Variants in ATP13A3 observed in about 807,000 individuals in gnomAD.
ATP13A3 encodes the protein polyamine-transporting ATPase 13A3.
A neutral mutation model predicts 158.1 loss-of-function variants in ATP13A3; 59 were observed. The observed-to-expected ratio is 0.37, with a 90% CI of 0.30 to 0.46. The LOEUF is 0.46. Among genes scored for constraint, ATP13A3 ranks in the 20% least tolerant of loss-of-function variants. ATP13A3 has a pLI of 1.00. For synonymous variants in ATP13A3, 491 were observed against 504.3 expected (o/e 0.97, Z 0.35); for missense variants, 1,166 against 1,525.2 (o/e 0.76, Z 3.92).
rs984658399 is a variant in ATP13A3, at chr3:194,486,958, G to A, written c.-481C>T. The stretch of plus-strand genomic sequence containing the variant: ...GCGGCGGCGCCCGATCACGCTGCGG[G>A]GAGAGCCGGCAGGCAGGCGGGGGAG... On this transcript the variant is annotated 5_prime_UTR_variant, in exon 1 of 34. Coordinates refer to ENST00000645319, the MANE Select transcript of ATP13A3 (RefSeq NM_001367549.1). The A allele has an allele frequency of 1.3e-5, 2 of 152,202 alleles. No homozygotes were observed. The highest frequency in any genetic ancestry group is 6.5e-5 in the Admixed American group (1 of 15,272). The allele number at this position is 152,202 out of a possible 1,614,324, so 9.4% of individuals were successfully genotyped here.
chr3:194,420,309 C>G (rs535233070), intron 30 of ATP13A3: 23 of 161,654 alleles, frequency 1.4e-4, no homozygotes, highest in Non-Finnish European at 3.1e-4. Flanking sequence ...GATAATAAAG[C>G]CAATACATAA....
In ATP13A3 at chr3:194,441,419, T is replaced by C. The variant is rs781081490; in HGVS notation, c.1602A>G (p.Val534=). The C allele has an allele frequency of 4.3e-6, 7 of 1,613,746 alleles. No homozygotes were observed. In the South Asian group the frequency reaches 7.7e-5, roughly 18 times the overall value. The change falls in exon 16 of 34, where the codon GTA becomes GTG. Residue 534 remains valine (V), a synonymous_variant. Transcript: ENST00000645319. The part of the protein sequence containing the change: ...PEENVCNEML[V]KSQFVACMAT... Reference sequence around the variant, plus strand: ...CCATACAAGCAACAAACTGGGATTTTACCAACATCTCATTGCACACATTTT... The same window carrying C: ...CCATACAAGCAACAAACTGGGATTTCACCAACATCTCATTGCACACATTTT...
In ATP13A3 at chr3:194,437,345, G is replaced by C. The variant is rs1264524565; in HGVS notation, c.1965C>G (p.Pro655=). 1.1e-5 allele frequency: 17 copies of C among 1,613,992 alleles called. No homozygotes were observed. The highest frequency in any genetic ancestry group is 1.4e-5 in the Non-Finnish European group (16 of 1,180,036). ...RKMDAYMKGA[P]EAIAGLCKPE... ...GTTTACAGAGACCGGCAATGGCCTC[G>C]GGCGCTCCTTTCATGTAGGCGTCCA... Residue 655 remains proline (P), a synonymous_variant, in exon 19 of 34, where the codon CCC becomes CCG. Transcript: ENST00000645319.
intron 2 of ATP13A3, among the ~76,000 whole-genome samples, chr3:194,475,078 G>A (rs1332481671): frequency 3.3e-5 from 5 of 152,050 alleles, no homozygotes; most frequent in African/African-American, 4.8e-5. Flanking sequence ...GGGATGCTAG[G>A]GAATAATATA....
chr3:194,460,360 G>C (rs776533323), intron 4 of ATP13A3, among the ~76,000 whole-genome samples: 55 of 152,142 alleles, frequency 3.6e-4, no homozygotes, highest in Non-Finnish European at 5.4e-4. Context: ...CCTAGTGACC[G>C]AGATCTGGAC....
chr3:194,493,135 T>TAAAAA (rs376023000), intron 2 of ATP13A3, among the ~76,000 whole-genome samples: 1 of 131,640 alleles, frequency 7.6e-6, no homozygotes, highest in Non-Finnish European at 1.6e-5. Flanking sequence ...TCTCAGCTCT[T>TAAAAA]AAAAAAAAAA....
intron 2 of ATP13A3, among the ~76,000 whole-genome samples, chr3:194,478,608 G>A (rs1720624219): frequency 6.6e-6 from 1 of 152,116 alleles, no homozygotes; most frequent in Non-Finnish European, 1.5e-5. Context: ...ACAAATGGAG[G>A]TTTAGAAGGA....
At chr3:194,469,001 G>C (rs1720165939) in intron 2 of ATP13A3, among the ~76,000 whole-genome samples, 1 of 152,026 alleles carries the variant, frequency 6.6e-6, no homozygotes, top group South Asian at 2.1e-4. Context: ...AGGCAAGGTA[G>C]CATGCGCCTG....
chr3:194,460,613 T>C (rs1348150046), intron 4 of ATP13A3, 45 bp downstream of exon 4: 2 of 1,584,868 alleles, frequency 1.3e-6, no homozygotes, highest in African/African-American at 2.7e-5. Context: ...AAAGACATTG[T>C]TTTACTCCTT....
In ATP13A3 at chr3:194,404,869, A is replaced by G. The variant is rs1051721648; in HGVS notation, c.*1050T>C. 4 of 152,136 alleles carry G rather than the reference A, an allele frequency of 2.6e-5. No homozygotes were observed. The highest frequency in any genetic ancestry group is 5.9e-5 in the Non-Finnish European group (4 of 68,026). 9.4% of individuals were successfully genotyped at this position (152,136 alleles called of 1,614,324 possible). On this transcript the variant is annotated 3_prime_UTR_variant, in exon 34 of 34. Transcript: ENST00000645319. Reference sequence around the variant, plus strand: ...CATAAAACAAACTCATCAAATTCATATTGCTTTGAAAAAACGGCAGCCATT... The same window carrying G: ...CATAAAACAAACTCATCAAATTCATGTTGCTTTGAAAAAACGGCAGCCATT...
chr3:194,494,326 T>G lies in ATP13A3; in HGVS notation n.516-46A>C, dbSNP rs1242789119. On this transcript the variant is annotated intron_variant and non_coding_transcript_variant, in intron 1 of 32. Coordinates refer to the ATP13A3 transcript ENST00000687055. The surrounding 1 kb of genome is among the most constrained non-coding windows in gnomAD (Gnocchi z 4.2). ...TTAACATTGATTTTCACAACCACGA[T>G]GTCAGACTAGCAATGGAATTGTTTT... 3 of 398,228 alleles carry G rather than the reference T, an allele frequency of 7.5e-6. No homozygotes were observed. The highest frequency in any genetic ancestry group is 1.3e-5 in the Non-Finnish European group (3 of 225,968). 24.7% of individuals were successfully genotyped at this position (398,228 alleles called of 1,614,324 possible).
intron 15 of ATP13A3, among the ~76,000 whole-genome samples, chr3:194,444,022 C>T (rs1718225905): frequency 6.6e-6 from 1 of 152,122 alleles, no homozygotes; most frequent in Non-Finnish European, 1.5e-5. Flanking sequence ...CAATGTAATA[C>T]TCATATCCAT....
At chr3:194,462,315 C>T in intron 2 of ATP13A3, 79 bp from the exon 3 acceptor site, 1 of 997,774 alleles carries the variant, frequency 1.0e-6, no homozygotes, top group South Asian at 1.5e-5. Flanking sequence ...TATCAACTGT[C>T]TATTATACAA....
intron 30 of ATP13A3, among the ~76,000 whole-genome samples, chr3:194,424,189 T>C (rs556893142): frequency 2.0e-5 from 3 of 151,906 alleles, no homozygotes; most frequent in South Asian, 4.1e-4. Flanking sequence ...AGTATGGTTA[T>C]ACAGCAATAC....
intron 2 of ATP13A3, among the ~76,000 whole-genome samples, chr3:194,473,371 T>C (rs1193659534): frequency 6.6e-6 from 1 of 152,076 alleles, no homozygotes; most frequent in African/African-American, 2.4e-5. Context: ...TCTTGCAAAG[T>C]TGTAAAGCAA....
intron 6 of ATP13A3, chr3:194,458,893 C>T (rs182963211): frequency 6.6e-6 from 1 of 152,088 alleles, no homozygotes; most frequent in African/African-American, 2.4e-5. Context: ...CTTTTTACCG[C>T]TAAAATTAAG....
intron 2 of ATP13A3, among the ~76,000 whole-genome samples, chr3:194,466,744 A>T (rs865904315): frequency 7.4e-4 from 113 of 152,314 alleles, no homozygotes; most frequent in African/African-American, 2.6e-3. Context: ...TCAGCTACTC[A>T]GGAGGCTGAA....
At chr3:194,409,700 T>A (rs1715212889) in intron 33 of ATP13A3, among the ~76,000 whole-genome samples, 1 of 133,300 alleles carries the variant, frequency 7.5e-6, no homozygotes, top group Admixed American at 7.2e-5. Context: ...AGAATTTTTT[T>A]TTTTTTTTTT....
rs59180574 is a variant in ATP13A3 at position 194,454,625 on chromosome 3, A to G, written c.631-233T>C. ...GGGCGGATCATGAGGTCAGGAGATC[A>G]AAACATCCTGGCTAACACGGTGAAA... On this transcript the variant is annotated intron_variant, in intron 8 of 33. Transcript: ENST00000645319. Among the ~76,000 whole-genome samples the G allele has an allele frequency of 0.058, 3,119 of 53,880 alleles. 122 individuals carry two copies. Among genetic ancestry groups the G allele is most frequent in the African/African-American group, 0.16 (2,941 of 18,624 alleles). The allele number at this position is 53,880 out of a possible 152,430, so 35.3% of individuals were successfully genotyped here.
Sources: allele counts gnomAD v4.1 joint callset (sites outside exome capture counted in the v4.1 genomes callset), GRCh38; gene constraint gnomAD v4.1.1; non-coding constraint Gnocchi (gnomAD v3.1); transcripts MANE v1.5; gene names NCBI Gene and HGNC (gene_info 2026-07-23, HGNC 2026-07-21).